The following IGSF11 variants were observed in gnomAD, a reference collection of about 807,000 sequenced individuals.
IGSF11 encodes CXADR like 1.
A neutral mutation model predicts 41.0 loss-of-function variants in IGSF11; 22 were observed. The ratio of observed to expected loss-of-function variants is 0.54; its 90% CI spans 0.38 to 0.77. IGSF11 has a LOEUF of 0.77. Among genes scored for constraint, IGSF11 ranks in the 30% least tolerant of loss-of-function variants. IGSF11 has a pLI of 0.00. For synonymous variants in IGSF11, 219 were observed against 201.3 expected (o/e 1.09, Z -0.74); for missense variants, 444 against 530.8 (o/e 0.84, Z 1.61).
chr3:119,024,684 G>A (rs76383240), intron 1 of IGSF11, among the ~76,000 whole-genome samples: 1 of 151,722 alleles, frequency 6.6e-6, no homozygotes. Flanking sequence ...TTTTTTTTAA[G>A]CTCACAAGCT....
chr3:118,945,805 GA>G (rs1944082486), intron 1 of IGSF11: 1 of 152,102 alleles, frequency 6.6e-6, no homozygotes, highest in Non-Finnish European at 1.5e-5. Context: ...ACACAAACCA[GA>G]AATGTCCTGG....
intron 1 of IGSF11, among the ~76,000 whole-genome samples, chr3:119,025,644 T>C (rs941284457): frequency 1.3e-5 from 2 of 152,124 alleles, no homozygotes; most frequent in African/African-American, 4.8e-5. Flanking sequence ...GCCAGTATGT[T>C]TGACTATACA....
At chr3:119,015,917 A>G (rs1938628847) in intron 1 of IGSF11, among the ~76,000 whole-genome samples, 1 of 152,218 alleles carries the variant, frequency 6.6e-6, no homozygotes, top group South Asian at 2.1e-4. Context: ...AACGATTCAA[A>G]GGTTAAACAA....
At chr3:119,008,058 C>T (rs894341546) in intron 1 of IGSF11, among the ~76,000 whole-genome samples, 2 of 148,702 alleles carry the variant, frequency 1.3e-5, no homozygotes, top group Non-Finnish European at 2.9e-5. Context: ...GACAAGGAAG[C>T]TGAGACCTAT....
intron 4 of IGSF11, among the ~76,000 whole-genome samples, chr3:118,912,212 C>T (rs1940411125): frequency 6.6e-6 from 1 of 152,186 alleles, no homozygotes; most frequent in Non-Finnish European, 1.5e-5. Flanking sequence ...GTTATTCTCC[C>T]CTTTAAGTCA....
chr3:118,999,865 A>C lies in IGSF11; in HGVS notation c.52+34666T>G, dbSNP rs1177620961. On this transcript the variant is annotated intron_variant, in intron 1 of 6. Coordinates refer to ENST00000393775, the MANE Select transcript of IGSF11 (RefSeq NM_001015887.3). ...GGTCTTGGGTCCAAAAAAGTTGAGAACAAAGCAAGATGACTAGAGTACCAG... is the reference window on the plus strand; with the variant it reads ...GGTCTTGGGTCCAAAAAAGTTGAGACCAAAGCAAGATGACTAGAGTACCAG... 2.6e-5 allele frequency among the ~76,000 whole-genome samples: 4 copies of C among 152,280 alleles called. No homozygotes were observed. The East Asian group carries it at 7.7e-4, about 29-fold the overall frequency.
intron 3 of IGSF11, among the ~76,000 whole-genome samples, chr3:118,928,214 A>G (rs1293552232): frequency 1.3e-5 from 2 of 152,210 alleles, no homozygotes; most frequent in African/African-American, 4.8e-5. Context: ...TAAGTTCTGT[A>G]CTGTAGAAGC....
chr3:119,042,940 A>G (rs6762269), intron 1 of IGSF11, among the ~76,000 whole-genome samples: 3,931 of 152,254 alleles, frequency 0.026, 144 homozygotes, highest in African/African-American at 0.089. Flanking sequence ...GGTGGCGGGC[A>G]GCTTCCAAGA....
chr3:119,027,300 GTTTTGGTAGAA>G (rs1939919551), intron 1 of IGSF11, among the ~76,000 whole-genome samples: 1 of 152,178 alleles, frequency 6.6e-6, no homozygotes, highest in African/African-American at 2.4e-5. Flanking sequence ...TGCATATCAT[GTTTTGGTAGAA>G]TACCAAAGAT....
chr3:119,032,553 C>T (rs983986061), intron 1 of IGSF11, among the ~76,000 whole-genome samples: 3 of 152,192 alleles, frequency 2.0e-5, no homozygotes, highest in African/African-American at 7.2e-5. Flanking sequence ...TTCTCCCTTG[C>T]ACACATCTCC....
chr3:118,909,771 C>G (rs1940049973), intron 4 of IGSF11, among the ~76,000 whole-genome samples: 1 of 152,176 alleles, frequency 6.6e-6, no homozygotes, highest in African/African-American at 2.4e-5. Context: ...TTGCTTTTGC[C>G]AAATCAGATT....
chr3:119,068,879 T>C (rs999740802), intron 1 of IGSF11, among the ~76,000 whole-genome samples: 1 of 151,772 alleles, frequency 6.6e-6, no homozygotes. Flanking sequence ...AATTAGAGCA[T>C]ATAAAGGTAT....
At chr3:119,062,113 C>T (rs996052619) in intron 1 of IGSF11, among the ~76,000 whole-genome samples, 5 of 152,066 alleles carry the variant, frequency 3.3e-5, no homozygotes, top group African/African-American at 1.2e-4. Context: ...CATTACAGTG[C>T]CTACCTGATA....
intron 1 of IGSF11, among the ~76,000 whole-genome samples, chr3:118,985,115 AGAATATATGCTGAGCCACATT>A (rs1935122227): frequency 2.0e-5 from 3 of 152,236 alleles, no homozygotes; most frequent in African/African-American, 7.2e-5. Context: ...CAGAGGCATC[AGAATATATGCTGAGCCACATT>A]AAAATGCAGC....
At chr3:119,048,046 G>T (rs994917631) in intron 1 of IGSF11, among the ~76,000 whole-genome samples, 10 of 151,334 alleles carry the variant, frequency 6.6e-5, no homozygotes, top group Non-Finnish European at 1.3e-4. Flanking sequence ...GAGAAAGCAG[G>T]AAAGATCCAA....
intron 4 of IGSF11, among the ~76,000 whole-genome samples, chr3:118,920,531 A>G (rs929484096): frequency 6.6e-6 from 1 of 152,082 alleles, no homozygotes. Flanking sequence ...AATGCCAATG[A>G]ACCATACAAT....
intron 1 of IGSF11, among the ~76,000 whole-genome samples, chr3:119,045,075 G>C (rs1212087310): frequency 1.3e-5 from 2 of 152,196 alleles, no homozygotes; most frequent in Non-Finnish European, 2.9e-5. Context: ...GAATGTAAAT[G>C]GCCTAAATGC....
chr3:119,088,957 C>T (rs998871261), intron 1 of IGSF11, among the ~76,000 whole-genome samples: 1 of 152,022 alleles, frequency 6.6e-6, no homozygotes, highest in Admixed American at 6.6e-5. Flanking sequence ...AATAAGGAAC[C>T]TACCAACCAT....
At chr3:118,974,481 G>C (rs934380747) in intron 1 of IGSF11, among the ~76,000 whole-genome samples, 2 of 152,186 alleles carry the variant, frequency 1.3e-5, no homozygotes, top group South Asian at 2.1e-4. Context: ...CAGATGTTAC[G>C]AGAAGCCTCT....
Sources: allele counts gnomAD v4.1 joint callset (sites outside exome capture counted in the v4.1 genomes callset), GRCh38; gene constraint gnomAD v4.1.1; transcripts MANE v1.5; gene names NCBI Gene and HGNC (gene_info 2026-07-23, HGNC 2026-07-21).